UMAD1: variants seen among roughly 807,000 people sequenced by gnomAD.
The protein encoded by UMAD1 is UBAP1-MVB12-associated (UMA) domain containing 1.
In UMAD1, 8 loss-of-function variants were observed where a neutral mutation model predicts 6.1. That is an observed-to-expected ratio of 1.30 (90% CI 0.76 to 2.35). The LOEUF is 2.35. Ranked by LOEUF, UMAD1 falls within the 30% of genes most tolerant of loss-of-function variation. UMAD1 has a pLI of 0.00. For synonymous variants in UMAD1, 56 were observed against 31.4 expected, an observed-to-expected ratio of 1.78 and a Z score of -2.61; for missense variants, 130 against 78.4, an observed-to-expected ratio of 1.66 and a Z score of -2.49.
chr7:7,820,820 A>G (rs1013032994), intron 3 of UMAD1, among the ~76,000 whole-genome samples: 1 of 152,148 alleles, frequency 6.6e-6, no homozygotes. Context: ...ATAGTTTATT[A>G]CTTTGAAATA....
intron 2 of UMAD1, chr7:7,742,102 G>C (rs553469213): frequency 3.4e-6 from 2 of 587,106 alleles, no homozygotes; most frequent in Non-Finnish European, 6.6e-6. Context: ...TATGATGAAA[G>C]TTTGGCAACA....
chr7:7,761,375 A>AG (rs71014710), intron 2 of UMAD1, among the ~76,000 whole-genome samples: 1 of 151,796 alleles, frequency 6.6e-6, no homozygotes, highest in African/African-American at 2.4e-5. Flanking sequence ...AAAAAAAAAA[A>AG]GTACCACTTC....
intron 2 of UMAD1, chr7:7,742,185 T>G (rs1781483392): frequency 1.5e-6 from 1 of 672,710 alleles, no homozygotes. Context: ...GTGTTGACCT[T>G]GGCCACATCG....
At chr7:7,862,653 A>G (rs1784136225) in intron 3 of UMAD1, among the ~76,000 whole-genome samples, 2 of 152,320 alleles carry the variant, frequency 1.3e-5, no homozygotes, top group South Asian at 4.1e-4. Flanking sequence ...AAGCTACTAC[A>G]TGTTGTAACC....
intron 3 of UMAD1, among the ~76,000 whole-genome samples, chr7:7,860,315 T>C (rs1437615669): frequency 6.6e-6 from 1 of 152,160 alleles, no homozygotes; most frequent in African/African-American, 2.4e-5. Context: ...AAGTTTATAA[T>C]TCAAAATAAG....
chr7:7,673,488 A>G lies in UMAD1; in HGVS notation c.82+35A>G, dbSNP rs976708491. 6 of 702,738 alleles carry G rather than the reference A, an allele frequency of 8.5e-6. No homozygotes were observed. In the South Asian group the frequency reaches 9.7e-5, roughly 11 times the overall value. 43.5% of individuals were successfully genotyped at this position (702,738 alleles called of 1,614,324 possible). On this transcript the variant is annotated intron_variant, in intron 2 of 3. Transcript: ENST00000682710. ...TTTAAGAAACAAAATAATTAGATGAATTATGTTCTCTTTAAAAAATTACTT... is the reference window on the plus strand; with the variant it reads ...TTTAAGAAACAAAATAATTAGATGAGTTATGTTCTCTTTAAAAAATTACTT...
intron 2 of UMAD1, among the ~76,000 whole-genome samples, chr7:7,755,491 A>G (rs1028682582): frequency 8.5e-5 from 13 of 152,182 alleles, no homozygotes; most frequent in African/African-American, 2.9e-4. Flanking sequence ...CAGAGTCTAA[A>G]TTTTCTCTTT....
At chr7:7,852,200 TG>T (rs1563260067) in intron 3 of UMAD1, among the ~76,000 whole-genome samples, 1 of 152,202 alleles carries the variant, frequency 6.6e-6, no homozygotes, top group Non-Finnish European at 1.5e-5. Flanking sequence ...GCTTTATTTC[TG>T]GATGTTTGGA....
chr7:7,668,178 G>A (rs989138385), intron 1 of UMAD1, among the ~76,000 whole-genome samples: 5 of 152,098 alleles, frequency 3.3e-5, no homozygotes, highest in South Asian at 2.1e-4. Flanking sequence ...CTCCCAAAGT[G>A]CTGGGATTAC....
intron 2 of UMAD1, among the ~76,000 whole-genome samples, chr7:7,684,298 T>C (rs1779986138): frequency 6.6e-6 from 1 of 151,984 alleles, no homozygotes; most frequent in South Asian, 2.1e-4. Flanking sequence ...GCCTCCCGCG[T>C]TCAAGCAATT....
intron 1 of UMAD1, among the ~76,000 whole-genome samples, chr7:7,666,674 G>A (rs2158715): frequency 0.59 from 90,307 of 151,786 alleles, 26,994 homozygotes; most frequent in East Asian, 0.8. Flanking sequence ...TTTTTTGCCC[G>A]GTTTTTATTG....
chr7:7,814,656 ATTTT>A (rs1783090264), intron 3 of UMAD1, among the ~76,000 whole-genome samples: 1 of 76,630 alleles, frequency 1.3e-5, no homozygotes, highest in Non-Finnish European at 3.1e-5. Context: ...TGTACTTTTT[ATTTT>A]AATAGGTTGT....
chr7:7,760,413 AAT>A (rs1491510775), intron 2 of UMAD1, among the ~76,000 whole-genome samples: 1 of 21,940 alleles, frequency 4.6e-5, no homozygotes, highest in Non-Finnish European at 8.5e-5. Context: ...AAAAATACAA[AAT>A]AATAATAATA....
At chr7:7,842,810 C>G (rs1177766293) in intron 3 of UMAD1, among the ~76,000 whole-genome samples, 2 of 152,112 alleles carry the variant, frequency 1.3e-5, no homozygotes, top group African/African-American at 2.4e-5. Flanking sequence ...AATATTTAAG[C>G]ACCTGTGATA....
intron 2 of UMAD1, among the ~76,000 whole-genome samples, chr7:7,744,487 GA>G (rs1375424522): frequency 6.6e-6 from 1 of 152,022 alleles, no homozygotes; most frequent in African/African-American, 2.4e-5. Context: ...ACCATTCGAG[GA>G]ATTGCCAGAC....
rs1484461596 is a variant in UMAD1, at chr7:7,861,263, A to G, written c.157-16018A>G. ...AAATTTTATTTTTGTATATTTTACC[A>G]CAATAACAAACTACTGTCCTGAGTT... On this transcript the variant is annotated intron_variant, in intron 3 of 3. Transcript: ENST00000682710. Among the ~76,000 whole-genome samples the G allele has an allele frequency of 2.0e-5, 3 of 152,356 alleles. No individual in the cohort carries two copies. The East Asian group carries it at 5.8e-4, about 29-fold the overall frequency.
At chr7:7,814,044 C>T (rs113722194) in intron 3 of UMAD1, among the ~76,000 whole-genome samples, 1,702 of 151,852 alleles carry the variant, frequency 0.011, 25 homozygotes, top group African/African-American at 0.038. Flanking sequence ...AGCACAGTGG[C>T]GTGATCTCGG....
intron 1 of UMAD1, among the ~76,000 whole-genome samples, chr7:7,671,868 T>C (rs1400617096): frequency 1.3e-5 from 2 of 152,184 alleles, no homozygotes; most frequent in Non-Finnish European, 2.9e-5. Context: ...TCAGAAGCTG[T>C]TCCTTTTTTC....
chr7:7,779,490 C>T (rs1204244506), intron 2 of UMAD1, among the ~76,000 whole-genome samples: 5 of 152,062 alleles, frequency 3.3e-5, no homozygotes, highest in Non-Finnish European at 7.4e-5. Context: ...AGTCTGGTCT[C>T]GAAATCTTGG....
Sources: gnomAD v4.1 joint callset for allele counts (sites outside exome capture counted in the v4.1 genomes callset) on GRCh38, gnomAD v4.1.1 for gene constraint, MANE v1.5 for transcripts, NCBI Gene and HGNC (gene_info 2026-07-23, HGNC 2026-07-21) for gene names.